The following CLASP1 variants were observed in gnomAD, a reference collection of about 807,000 sequenced individuals.
CLASP1 encodes CLIP-associating protein 1.
A neutral mutation model predicts 192.3 loss-of-function variants in CLASP1; 38 were observed. That is an observed-to-expected ratio of 0.20 (90% CI 0.15 to 0.26). The LOEUF is 0.26. Ranked by LOEUF, CLASP1 falls within the 10% of genes least tolerant of loss-of-function variation. CLASP1 has a pLI of 1.00. For missense variants in CLASP1, 1,433 were observed against 1,932.5 expected (o/e 0.74, Z 4.85); for synonymous variants, 691 against 712.8 (o/e 0.97, Z 0.49).
At chr2:121,358,185 A>G (rs1294647453) in intron 37 of CLASP1, among the ~76,000 whole-genome samples, 1 of 152,206 alleles carries the variant, frequency 6.6e-6, no homozygotes, top group Non-Finnish European at 1.5e-5. Flanking sequence ...AAAAGCAAAA[A>G]CCTACAAAGG....
At chr2:121,624,518 G>A (rs1213645280) in intron 1 of CLASP1, among the ~76,000 whole-genome samples, 8 of 152,138 alleles carry the variant, frequency 5.3e-5, no homozygotes, top group Admixed American at 3.9e-4. Flanking sequence ...CTGGGTCCAA[G>A]CTATTCTCCT....
At chr2:121,486,273 GACTT>G (rs2092965705) in intron 8 of CLASP1, among the ~76,000 whole-genome samples, 2 of 152,112 alleles carry the variant, frequency 1.3e-5, no homozygotes, top group South Asian at 4.1e-4. Context: ...GGCATATTCT[GACTT>G]ACATTTTTAT....
At chr2:121,526,169 T>A (rs531092800) in intron 5 of CLASP1, among the ~76,000 whole-genome samples, 1 of 152,232 alleles carries the variant, frequency 6.6e-6, no homozygotes, top group East Asian at 1.9e-4. Flanking sequence ...CTGGCCAATC[T>A]GGCCCTAACC....
chr2:121,581,570 G>A (rs955448307), intron 2 of CLASP1, among the ~76,000 whole-genome samples: 1 of 152,074 alleles, frequency 6.6e-6, no homozygotes. Flanking sequence ...CACCGCGCCC[G>A]GCCCCTTTTG....
intron 39 of CLASP1, among the ~76,000 whole-genome samples, chr2:121,341,531 G>A (rs576095922): frequency 1.6e-4 from 24 of 152,208 alleles, no homozygotes; most frequent in Non-Finnish European, 3.1e-4. Flanking sequence ...ATTATATGCT[G>A]TCTATAAGAA....
At chr2:121,558,786 T>C (rs998533994) in intron 2 of CLASP1, among the ~76,000 whole-genome samples, 7 of 152,192 alleles carry the variant, frequency 4.6e-5, no homozygotes, top group Admixed American at 1.3e-4. Flanking sequence ...TTGCTGCCAA[T>C]TGGGGGAAAG....
chr2:121,555,166 G>C (rs987372302), intron 2 of CLASP1, among the ~76,000 whole-genome samples: 1 of 152,228 alleles, frequency 6.6e-6, no homozygotes, highest in South Asian at 2.1e-4. Context: ...GTCTCTCTGC[G>C]GCCCATGAAT....
At chr2:121,584,112 A>AT (rs1386223284) in intron 2 of CLASP1, among the ~76,000 whole-genome samples, 1 of 152,046 alleles carries the variant, frequency 6.6e-6, no homozygotes, top group Non-Finnish European at 1.5e-5. Flanking sequence ...AAATACATTT[A>AT]TTTTTTATTT....
intron 37 of CLASP1, among the ~76,000 whole-genome samples, chr2:121,353,792 G>GCA (rs35208457): frequency 1.9e-3 from 281 of 150,428 alleles, no homozygotes; most frequent in Non-Finnish European, 2.7e-3. Context: ...GCACATGCAC[G>GCA]CACACACACA....
intron 21 of CLASP1, among the ~76,000 whole-genome samples, chr2:121,425,607 G>A (rs1397320426): frequency 1.3e-5 from 2 of 152,006 alleles, no homozygotes; most frequent in African/African-American, 4.8e-5. Flanking sequence ...TGTAAGAGCT[G>A]ATTATGTTAA....
At chr2:121,590,867 AT>A (rs10712368) in intron 2 of CLASP1, among the ~76,000 whole-genome samples, 26,799 of 135,480 alleles carry the variant, frequency 0.2, 3,253 homozygotes, top group African/African-American at 0.42. Flanking sequence ...AAATTATTTG[AT>A]TTTTTTTTTT....
At chr2:121,470,766 T>G (rs1245343653) in intron 8 of CLASP1, 1 of 368,178 alleles carries the variant, frequency 2.7e-6, no homozygotes, top group Non-Finnish European at 5.2e-6. Context: ...ATCAGAGAGG[T>G]CATATAAATG....
chr2:121,501,417 T>C (rs2093749874), intron 8 of CLASP1, among the ~76,000 whole-genome samples: 1 of 152,146 alleles, frequency 6.6e-6, no homozygotes, highest in Non-Finnish European at 1.5e-5. Context: ...ACCAATGATA[T>C]GTTTTTAAAA....
At chr2:121,483,287 G>C (rs1006824595) in intron 8 of CLASP1, among the ~76,000 whole-genome samples, 1 of 152,130 alleles carries the variant, frequency 6.6e-6, no homozygotes, top group Non-Finnish European at 1.5e-5. Context: ...TCTCTCTGTG[G>C]AAACAGGATG....
chr2:121,574,065 G>A (rs916832060), intron 2 of CLASP1, among the ~76,000 whole-genome samples: 26 of 152,286 alleles, frequency 1.7e-4, no homozygotes, highest in Admixed American at 1.6e-3. Context: ...TATTAATAAT[G>A]TACTGTATTC....
At chr2:121,559,296 C>CA (rs2058861083) in intron 2 of CLASP1, among the ~76,000 whole-genome samples, 1 of 152,096 alleles carries the variant, frequency 6.6e-6, no homozygotes, top group Admixed American at 6.6e-5. Context: ...AGCAGTTCCC[C>CA]AAAATGTTTA....
intron 29 of CLASP1, 26 bp from the exon 31 acceptor site, chr2:121,397,309 T>C: frequency 6.3e-7 from 1 of 1,599,468 alleles, no homozygotes; most frequent in Non-Finnish European, 8.6e-7. Context: ...ATTATAAACA[T>C]TAAGTACACT....
intron 1 of CLASP1, among the ~76,000 whole-genome samples, chr2:121,625,514 A>T (rs1266413684): frequency 1.2e-4 from 18 of 144,628 alleles, no homozygotes; most frequent in Non-Finnish European, 2.4e-4. Context: ...GGCTCAATGC[A>T]ACCTCTACTT....
rs2093220095 is a variant in CLASP1, at chr2:121,490,126, G to A, written c.712+13041C>T. ...CCTGTAGGTTTCACAATTTTTCACT[G>A]CTTAAATACCAACAACATTCATAAC... On this transcript the variant is annotated intron_variant, in intron 8 of 39. Transcript: ENST00000263710. The A allele has an allele frequency of 9.3e-6, 3 of 322,134 alleles. No individual in the cohort carries two copies. The Admixed American group carries it at 1.3e-4, about 14-fold the overall frequency. The allele number at this position is 322,134 out of a possible 1,614,324, so 20.0% of individuals were successfully genotyped here.
Sources: gnomAD v4.1 joint callset for allele counts (sites outside exome capture counted in the v4.1 genomes callset) on GRCh38, gnomAD v4.1.1 for gene constraint, MANE v1.5 for transcripts, NCBI Gene and HGNC (gene_info 2026-07-23, HGNC 2026-07-21) for gene names.